The following NRXN1 variants were observed in gnomAD, a reference collection of about 807,000 sequenced individuals.
The protein encoded by NRXN1 is neurexin-1.
Under a neutral mutation model 150.9 loss-of-function variants are expected in NRXN1, and 39 were observed. The observed-to-expected ratio is 0.26, with a 90% CI of 0.20 to 0.34. The LOEUF (loss-of-function observed/expected upper bound fraction) is 0.34. Among genes scored for constraint, NRXN1 ranks in the 10% least tolerant of loss-of-function variants. NRXN1 has a pLI of 1.00. For synonymous variants in NRXN1, 924 were observed against 757.0 expected (o/e 1.22, Z -3.62); for missense variants, 1,815 against 1,949.9 (o/e 0.93, Z 1.30).
At chr2:50,126,506 T>A (rs905845749) in intron 18 of NRXN1, among the ~76,000 whole-genome samples, 6 of 150,526 alleles carry the variant, frequency 4.0e-5, no homozygotes, top group Admixed American at 6.7e-5. Flanking sequence ...CAAAAAAAAA[T>A]TTAAAAAAGC....
intron 8 of NRXN1, among the ~76,000 whole-genome samples, chr2:50,579,369 T>C (rs368851683): frequency 1.3e-5 from 2 of 152,328 alleles, no homozygotes; most frequent in African/African-American, 4.8e-5. Context: ...TAATCTAATT[T>C]AGAGTGTGAT....
intron 5 of NRXN1, among the ~76,000 whole-genome samples, chr2:50,798,638 C>G (rs543392920): frequency 6.6e-6 from 1 of 152,128 alleles, no homozygotes; most frequent in Non-Finnish European, 1.5e-5. Context: ...GGAGGCTATA[C>G]GCTGATTGAT....
At chr2:50,215,474 G>A (rs934924275) in intron 18 of NRXN1, among the ~76,000 whole-genome samples, 3 of 151,898 alleles carry the variant, frequency 2.0e-5, no homozygotes, top group African/African-American at 7.2e-5. Context: ...ATTACTGGGT[G>A]AAAACATTTA....
intron 18 of NRXN1, among the ~76,000 whole-genome samples, chr2:50,157,558 G>C (rs1360121561): frequency 6.6e-6 from 1 of 151,976 alleles, no homozygotes; most frequent in Admixed American, 6.6e-5. Flanking sequence ...GGCAGATGCT[G>C]AATAAATGCC....
intron 18 of NRXN1, among the ~76,000 whole-genome samples, chr2:50,189,001 G>A (rs150807953): frequency 6.6e-6 from 1 of 152,066 alleles, no homozygotes; most frequent in South Asian, 2.1e-4. Context: ...ATTTGACCCA[G>A]CAATCCCATT....
chr2:50,888,106 C>T (rs1246046366), intron 5 of NRXN1, among the ~76,000 whole-genome samples: 2 of 151,494 alleles, frequency 1.3e-5, no homozygotes, highest in Non-Finnish European at 3.0e-5. Flanking sequence ...TACAGTGTCA[C>T]AGCTGACTGG....
chr2:50,877,820 T>A (rs939999956), intron 5 of NRXN1, among the ~76,000 whole-genome samples: 8 of 151,922 alleles, frequency 5.3e-5, no homozygotes, highest in African/African-American at 1.9e-4. Context: ...AGCAAAGCCA[T>A]GCTCTGTGGG....
intron 5 of NRXN1, among the ~76,000 whole-genome samples, chr2:50,849,334 A>C (rs772731359): frequency 6.6e-6 from 1 of 152,084 alleles, no homozygotes; most frequent in African/African-American, 2.4e-5. Context: ...TTAACACGTA[A>C]ATCTTCTGCT....
intron 1 of NRXN1, among the ~76,000 whole-genome samples, chr2:51,031,061 G>GAT (rs1269215920): frequency 2.0e-5 from 3 of 151,978 alleles, no homozygotes; most frequent in South Asian, 2.1e-4. Flanking sequence ...TGTACATATA[G>GAT]ATATATATAC....
intron 5 of NRXN1, chr2:50,919,109 T>C (rs1485504864): frequency 6.6e-6 from 1 of 151,870 alleles, no homozygotes; most frequent in South Asian, 2.1e-4. Flanking sequence ...GAAGAATGAG[T>C]AAACTCGTGT....
rs75761210 is a variant in NRXN1 at position 50,609,472 on chromosome 2, A to G, written c.1320+10550T>C. Among the ~76,000 whole-genome samples the G allele has an allele frequency of 5.2e-3, 799 of 152,200 alleles. 4 individuals carry two copies. Among genetic ancestry groups the G allele is most frequent in the Non-Finnish European group, 8.2e-3 (555 of 67,988 alleles). ...TTAATAGAGTATTAATAAAGTTTAT[A>G]CTTGATTGAGATATTACAATATACC... On this transcript the variant is annotated intron_variant, in intron 8 of 22. Coordinates refer to ENST00000401669, the MANE Select transcript of NRXN1 (RefSeq NM_001330078.2).
At chr2:50,639,680 C>T (rs774945361) in intron 5 of NRXN1, among the ~76,000 whole-genome samples, 1 of 152,142 alleles carries the variant, frequency 6.6e-6, no homozygotes, top group South Asian at 2.1e-4. Context: ...AATTTTATAA[C>T]TCCTTGAGAA....
At chr2:50,922,010 A>G (rs749443347) in intron 4 of NRXN1, 130 bp from the exon 5 acceptor site, 1 of 470,884 alleles carries the variant, frequency 2.1e-6, no homozygotes, top group Non-Finnish European at 3.8e-6. Flanking sequence ...ACAAGACATG[A>G]AAGTATAAAC....
At chr2:50,692,245 C>T (rs1057166499) in intron 5 of NRXN1, among the ~76,000 whole-genome samples, 1 of 152,004 alleles carries the variant, frequency 6.6e-6, no homozygotes. Context: ...GAATAAAATG[C>T]CTTTGAATAT....
At chr2:50,669,218 G>A (rs1688491407) in intron 5 of NRXN1, among the ~76,000 whole-genome samples, 1 of 151,954 alleles carries the variant, frequency 6.6e-6, no homozygotes, top group South Asian at 2.1e-4. Flanking sequence ...CCGGTGACAG[G>A]CATGGGACCT....
intron 18 of NRXN1, among the ~76,000 whole-genome samples, chr2:50,098,763 A>T (rs1270677622): frequency 6.9e-6 from 1 of 144,728 alleles, no homozygotes; most frequent in Non-Finnish European, 1.5e-5. Context: ...CTTGAAACTA[A>T]GGCACCCTTA....
intron 18 of NRXN1, among the ~76,000 whole-genome samples, chr2:50,153,564 C>A (rs1323191720): frequency 2.6e-5 from 4 of 151,658 alleles, no homozygotes; most frequent in Non-Finnish European, 5.9e-5. Flanking sequence ...TCAGCCTGAG[C>A]TATAAATTTG....
intron 22 of NRXN1, among the ~76,000 whole-genome samples, chr2:49,931,680 G>C (rs1381959037): frequency 6.6e-6 from 1 of 151,936 alleles, no homozygotes; most frequent in African/African-American, 2.4e-5. Flanking sequence ...TTCAAAACTA[G>C]GGACCCCAGA....
chr2:50,087,719 T>C (rs1350485401), intron 19 of NRXN1, among the ~76,000 whole-genome samples: 1 of 152,150 alleles, frequency 6.6e-6, no homozygotes, highest in Non-Finnish European at 1.5e-5. Flanking sequence ...TCAATATTTA[T>C]TCTAAAATGT....
Sources: gnomAD v4.1 joint callset for allele counts (sites outside exome capture counted in the v4.1 genomes callset) on GRCh38, gnomAD v4.1.1 for gene constraint, MANE v1.5 for transcripts, NCBI Gene and HGNC (gene_info 2026-07-23, HGNC 2026-07-21) for gene names.